CTNNA2: variants seen among roughly 807,000 people sequenced by gnomAD.
The protein encoded by CTNNA2 is catenin alpha 2.
A neutral mutation model predicts 101.0 loss-of-function variants in CTNNA2; 42 were observed. The ratio of observed to expected loss-of-function variants is 0.42; its 90% CI spans 0.32 to 0.54. The LOEUF is 0.54. Ranked by LOEUF, CTNNA2 falls within the 20% of genes least tolerant of loss-of-function variation. The probability of loss-of-function intolerance (pLI) is 0.14; values close to 1 mark genes in which losing one functional copy is unlikely to be tolerated. For synonymous variants in CTNNA2, 450 were observed against 456.4 expected (o/e 0.99, Z 0.18); for missense variants, 871 against 1,223.1 (o/e 0.71, Z 4.29).
intron 2 of CTNNA2, among the ~76,000 whole-genome samples, chr2:79,663,899 C>T (rs531225245): frequency 2.7e-4 from 41 of 152,296 alleles, no homozygotes; most frequent in Middle Eastern, 3.4e-3. Context: ...TCAAAAAATG[C>T]AACTTGTGTA....
chr2:80,002,602 C>A (rs1574511715), intron 7 of CTNNA2, among the ~76,000 whole-genome samples: 1 of 151,066 alleles, frequency 6.6e-6, no homozygotes, highest in Non-Finnish European at 1.5e-5. Flanking sequence ...TGAAAGAATT[C>A]TGTAGACTCG....
In CTNNA2 at chr2:79,693,262, T is replaced by C. The variant is rs147732498; in HGVS notation, c.102+41604T>C. 7.2e-5 allele frequency among the ~76,000 whole-genome samples: 11 copies of C among 151,938 alleles called. No homozygotes were observed. The East Asian group carries it at 2.1e-3, about 30-fold the overall frequency. ...AACTAGAAATGGATGGTGTTAGAAG[T>C]GGATGAGGCATTCTTTTAAGTTGGC... On this transcript the variant is annotated intron_variant, in intron 2 of 18. Coordinates refer to ENST00000402739, the MANE Select transcript of CTNNA2 (RefSeq NM_001282597.3).
At position 79,452,471 on chromosome 2, in the gene CTNNA2, T is replaced by A. The variant is rs142089530; in HGVS notation, c.-134-52583T>A. Among the ~76,000 whole-genome samples the A allele has an allele frequency of 2.2e-3, 334 of 152,120 alleles. 2 individuals are homozygous for A. Among genetic ancestry groups the A allele is most frequent in the African/African-American group, 7.2e-3 (300 of 41,518 alleles). The stretch of plus-strand genomic sequence containing the variant: ...ATTGGTGAAATATAACCGTGGCGCA[T>A]AATTCACTTCTGTAATAAAAATAAT... On this transcript the variant is annotated intron_variant, in intron 4 of 21. Coordinates refer to the CTNNA2 transcript ENST00000466387.
At chr2:79,630,374 G>A (rs948236265) in intron 1 of CTNNA2, among the ~76,000 whole-genome samples, 1 of 152,178 alleles carries the variant, frequency 6.6e-6, no homozygotes, top group African/African-American at 2.4e-5. Flanking sequence ...TTAAAACAGT[G>A]GGAGACCATC....
intron 15 of CTNNA2, among the ~76,000 whole-genome samples, chr2:80,590,195 A>G (rs948379296): frequency 1.3e-5 from 2 of 152,168 alleles, no homozygotes; most frequent in Admixed American, 6.5e-5. Context: ...AAAGAAGATG[A>G]TATCTCTGCC....
chr2:79,941,874 C>T (rs1688189551), intron 7 of CTNNA2, among the ~76,000 whole-genome samples: 1 of 152,160 alleles, frequency 6.6e-6, no homozygotes, highest in Admixed American at 6.6e-5. Flanking sequence ...TTCCCTCAGC[C>T]TCCCAAAATG....
rs75055033 is a variant in CTNNA2 at position 80,242,930 on chromosome 2, G to A, written c.1057-150281G>A. ...ACTAGGACCACTGGAGGAGAGAGGC[G>A]GAGGGAGCAGCAAAGGGCCAGAAAC... is the stretch of plus-strand genomic sequence containing the variant. On this transcript the variant is annotated intron_variant, in intron 7 of 18. Coordinates refer to ENST00000402739, the MANE Select transcript of CTNNA2 (RefSeq NM_001282597.3). Among the ~76,000 whole-genome samples the A allele has an allele frequency of 3.2e-3, 482 of 152,250 alleles. 2 individuals are homozygous for A. The highest frequency in any genetic ancestry group is 0.011 in the African/African-American group (456 of 41,544).
At chr2:79,488,187 G>A (rs113233626) in intron 4 of CTNNA2, among the ~76,000 whole-genome samples, 2,826 of 151,976 alleles carry the variant, frequency 0.019, 89 homozygotes, top group African/African-American at 0.065. Flanking sequence ...CCGTGGTGGC[G>A]CATGGCTGTA....
chr2:79,472,192 G>C (rs1357091918), intron 4 of CTNNA2, among the ~76,000 whole-genome samples: 1 of 152,208 alleles, frequency 6.6e-6, no homozygotes, highest in Non-Finnish European at 1.5e-5. Flanking sequence ...AAGAAGAAAA[G>C]GGTGATAAAT....
chr2:79,704,083 A>G (rs796861350), intron 2 of CTNNA2, among the ~76,000 whole-genome samples: 28 of 152,296 alleles, frequency 1.8e-4, no homozygotes, highest in African/African-American at 6.7e-4. Context: ...ACATACATGG[A>G]GATATATACA....
chr2:80,210,578 A>G (rs187890620), intron 7 of CTNNA2, among the ~76,000 whole-genome samples: 6,434 of 152,192 alleles, frequency 0.042, 200 homozygotes, highest in Non-Finnish European at 0.066. Context: ...TTTCCATGGT[A>G]TATATGTGCC....
At chr2:79,847,791 A>G (rs1195285107) in intron 3 of CTNNA2, among the ~76,000 whole-genome samples, 1 of 152,124 alleles carries the variant, frequency 6.6e-6, no homozygotes, top group African/African-American at 2.4e-5. Context: ...TTACATATCC[A>G]TGTCAAGATG....
intron 7 of CTNNA2, among the ~76,000 whole-genome samples, chr2:80,351,924 A>G (rs1264094875): frequency 1.3e-5 from 2 of 152,038 alleles, no homozygotes; most frequent in African/African-American, 4.8e-5. Flanking sequence ...TAGCCACTCA[A>G]TTTTATAGTT....
At chr2:79,966,201 T>G (rs905335260) in intron 7 of CTNNA2, among the ~76,000 whole-genome samples, 14 of 152,110 alleles carry the variant, frequency 9.2e-5, no homozygotes, top group Non-Finnish European at 1.6e-4. Context: ...GATGGTTATG[T>G]TCTCCTTGCT....
intron 7 of CTNNA2, among the ~76,000 whole-genome samples, chr2:80,268,557 A>G (rs1375562530): frequency 1.3e-5 from 2 of 152,194 alleles, no homozygotes; most frequent in African/African-American, 4.8e-5. Context: ...GAAATTCTTG[A>G]AAGATAAATC....
At chr2:80,459,095 G>A (rs76368732) in intron 9 of CTNNA2, among the ~76,000 whole-genome samples, 2,283 of 152,226 alleles carry the variant, frequency 0.015, 58 homozygotes, top group African/African-American at 0.051. Context: ...TATAACCTAG[G>A]AACAATAGGC....
intron 7 of CTNNA2, among the ~76,000 whole-genome samples, chr2:79,941,204 T>G (rs970865907): frequency 6.6e-6 from 1 of 152,242 alleles, no homozygotes; most frequent in Non-Finnish European, 1.5e-5. Context: ...GCCAGCCTGT[T>G]TCTCAGCAAT....
chr2:79,750,357 T>G (rs1205969366), intron 3 of CTNNA2, among the ~76,000 whole-genome samples: 1 of 152,228 alleles, frequency 6.6e-6, no homozygotes, highest in Non-Finnish European at 1.5e-5. Flanking sequence ...TCAGAATCTC[T>G]GCAGTTGGAC....
At chr2:79,671,795 C>G (rs770207836) in intron 2 of CTNNA2, among the ~76,000 whole-genome samples, 2 of 152,166 alleles carry the variant, frequency 1.3e-5, no homozygotes, top group Non-Finnish European at 2.9e-5. Flanking sequence ...AGATCTTGTT[C>G]TGGATTACTG....
Sources: allele counts gnomAD v4.1 joint callset (sites outside exome capture counted in the v4.1 genomes callset), GRCh38; gene constraint gnomAD v4.1.1; transcripts MANE v1.5; gene names NCBI Gene and HGNC (gene_info 2026-07-23, HGNC 2026-07-21).